The following CLPB variants were observed in gnomAD, a reference collection of about 807,000 sequenced individuals.
CLPB encodes the protein mitochondrial disaggregase.
Under a neutral mutation model 78.4 loss-of-function variants are expected in CLPB, and 40 were observed. That is an observed-to-expected ratio of 0.51 (90% confidence interval 0.40 to 0.66). CLPB has a LOEUF of 0.66. Among genes scored for constraint, CLPB ranks in the 30% least tolerant of loss-of-function variants. The probability of loss-of-function intolerance (pLI) is 0.00; values close to 1 mark genes in which losing one functional copy is unlikely to be tolerated. For missense variants in CLPB, 780 were observed against 886.9 expected (o/e 0.88, Z 1.53); for synonymous variants, 333 against 348.0 (o/e 0.96, Z 0.48).
At chr11:72,425,831 A>T (rs78765459) in intron 2 of CLPB, among the ~76,000 whole-genome samples, 1,667 of 152,152 alleles carry the variant, frequency 0.011, 31 homozygotes, top group African/African-American at 0.038. Context: ...ACAAAGTCCA[A>T]CTGATATTTT....
intron 4 of CLPB, among the ~76,000 whole-genome samples, chr11:72,367,946 T>C (rs534918647): frequency 3.3e-5 from 5 of 152,332 alleles, no homozygotes; most frequent in Non-Finnish European, 5.9e-5. Flanking sequence ...TTGTATAGTA[T>C]GTAAATTAAA....
At chr11:72,311,480 C>T (rs1049189463) in intron 7 of CLPB, among the ~76,000 whole-genome samples, 8 of 152,136 alleles carry the variant, frequency 5.3e-5, no homozygotes, top group African/African-American at 1.4e-4. Flanking sequence ...GAAACATGCA[C>T]GCAGAAGTTA....
chr11:72,383,270 A>G (rs1276012229), intron 3 of CLPB, among the ~76,000 whole-genome samples: 1 of 151,968 alleles, frequency 6.6e-6, no homozygotes, highest in African/African-American at 2.4e-5. Flanking sequence ...CGCACCTGTA[A>G]TCCCAGCACT....
At chr11:72,386,489 GT>G (rs1855080799) in intron 3 of CLPB, among the ~76,000 whole-genome samples, 1 of 152,262 alleles carries the variant, frequency 6.6e-6, no homozygotes, top group African/African-American at 2.4e-5. Flanking sequence ...AATGTTGATG[GT>G]TTCCCACGTA....
intron 1 of CLPB, among the ~76,000 whole-genome samples, chr11:72,431,118 A>G (rs1856533464): frequency 6.6e-6 from 1 of 152,222 alleles, no homozygotes; most frequent in African/African-American, 2.4e-5. Context: ...AACGCTAGCT[A>G]AGTGCGTCTG....
At chr11:72,362,962 C>T (rs146235024) in intron 4 of CLPB, among the ~76,000 whole-genome samples, 9 of 152,182 alleles carry the variant, frequency 5.9e-5, no homozygotes, top group East Asian at 1.9e-4. Flanking sequence ...GTAAGACCAG[C>T]GTGGGCAACA....
At chr11:72,417,241 A>G (rs1440219876) in intron 2 of CLPB, among the ~76,000 whole-genome samples, 1 of 152,270 alleles carries the variant, frequency 6.6e-6, no homozygotes, top group Non-Finnish European at 1.5e-5. Flanking sequence ...CATACAGGGA[A>G]TATTATTCAG....
At chr11:72,322,488 C>G (rs1316885372) in intron 6 of CLPB, among the ~76,000 whole-genome samples, 1 of 152,156 alleles carries the variant, frequency 6.6e-6, no homozygotes, top group Non-Finnish European at 1.5e-5. Context: ...CCGGCAATGA[C>G]TGACTAAATT....
At chr11:72,384,931 T>C (rs908146212) in intron 3 of CLPB, among the ~76,000 whole-genome samples, 1 of 152,110 alleles carries the variant, frequency 6.6e-6, no homozygotes, top group Non-Finnish European at 1.5e-5. Flanking sequence ...AAAGATAGAC[T>C]ATACTACAGA....
At chr11:72,355,852 G>A (rs1428668315) in intron 5 of CLPB, among the ~76,000 whole-genome samples, 1 of 152,196 alleles carries the variant, frequency 6.6e-6, no homozygotes, top group East Asian at 1.9e-4. Flanking sequence ...AATCCCTGAG[G>A]ACTAAGTAAT....
At chr11:72,300,757 G>A (rs564036230) in intron 11 of CLPB, among the ~76,000 whole-genome samples, 7 of 152,310 alleles carry the variant, frequency 4.6e-5, no homozygotes, top group Admixed American at 4.6e-4. Flanking sequence ...AGGTAGAAAG[G>A]TGAGCTGGAC....
rs189826302 is a variant in CLPB, at chr11:72,411,176, G to C, written c.456-8124C>G. Among the ~76,000 whole-genome samples the C allele has an allele frequency of 5.9e-5, 9 of 152,320 alleles. No homozygotes were observed. The East Asian group carries it at 1.7e-3, about 29-fold the overall frequency. On this transcript the variant is annotated intron_variant, in intron 2 of 15. Coordinates refer to ENST00000538039, the MANE Select transcript of CLPB (RefSeq NM_001258392.3). Reference sequence around the variant, plus strand: ...CAGTTGGCACACCACAAAGCTCGGGGTCTGAATGAATGAATGTCTACAGCA... The same window carrying C: ...CAGTTGGCACACCACAAAGCTCGGGCTCTGAATGAATGAATGTCTACAGCA...
At chr11:72,399,908 T>G (rs1377356897) in intron 3 of CLPB, among the ~76,000 whole-genome samples, 1 of 152,210 alleles carries the variant, frequency 6.6e-6, no homozygotes, top group Non-Finnish European at 1.5e-5. Flanking sequence ...ATTGGCAGAT[T>G]GTGCTGGTAT....
In CLPB at chr11:72,417,351, G is replaced by A. The variant is rs547149184; in HGVS notation, c.455+12961C>T. The stretch of plus-strand genomic sequence containing the variant: ...AGCCAGACACAAAAGGCCACATATT[G>A]TATAATTCCATTTATATGAAATGTT... On this transcript the variant is annotated intron_variant, in intron 2 of 15. Coordinates refer to ENST00000538039, the MANE Select transcript of CLPB (RefSeq NM_001258392.3). 9.2e-5 allele frequency among the ~76,000 whole-genome samples: 14 copies of A among 152,276 alleles called. No individual in the cohort carries two copies. The South Asian group carries it at 2.9e-3, about 32-fold the overall frequency.
chr11:72,410,555 TA>T (rs1223411749), intron 2 of CLPB, among the ~76,000 whole-genome samples: 1 of 152,234 alleles, frequency 6.6e-6, no homozygotes, highest in Admixed American at 6.5e-5. Context: ...CACTCGATTT[TA>T]AAGAAGTGAC....
chr11:72,373,070 G>A (rs1257646336), intron 4 of CLPB: 1 of 1,490,088 alleles, frequency 6.7e-7, no homozygotes, highest in Non-Finnish European at 9.4e-7. Flanking sequence ...TGCAGGCCCT[G>A]GAGCTCTGGG....
intron 7 of CLPB, among the ~76,000 whole-genome samples, chr11:72,313,136 C>T (rs1414656969): frequency 6.6e-6 from 1 of 152,096 alleles, no homozygotes; most frequent in Non-Finnish European, 1.5e-5. Flanking sequence ...TTTTTATAAC[C>T]TAATCTGGAA....
At chr11:72,335,618 T>TGGG (rs1313700702) in intron 5 of CLPB, among the ~76,000 whole-genome samples, 1 of 152,236 alleles carries the variant, frequency 6.6e-6, no homozygotes, top group Admixed American at 6.5e-5. Context: ...CACCCCAGGT[T>TGGG]GGGTACCATC....
In CLPB at chr11:72,401,158, C is replaced by T. The variant is rs922684408; in HGVS notation, c.542+1808G>A. ...CAATTTTGCTTTTAAAGAATAGGTG[C>T]GCCAGACATGGTGGCTCACGCCTGT... On this transcript the variant is annotated intron_variant, in intron 3 of 15. Transcript: ENST00000538039. 5.3e-5 allele frequency among the ~76,000 whole-genome samples: 8 copies of T among 152,054 alleles called. 1 individual carries two copies. The highest frequency in any genetic ancestry group is 8.8e-5 in the Non-Finnish European group (6 of 68,000).
Sources: gnomAD v4.1 joint callset for allele counts (sites outside exome capture counted in the v4.1 genomes callset) on GRCh38, gnomAD v4.1.1 for gene constraint, MANE v1.5 for transcripts, NCBI Gene and HGNC (gene_info 2026-07-23, HGNC 2026-07-21) for gene names.